The following TRPC6 variants were observed in gnomAD, a reference collection of about 807,000 sequenced individuals.
TRPC6 encodes short transient receptor potential channel 6.
TRPC6 carries 55 observed loss-of-function variants against 90.7 expected under a neutral mutation model. That is an observed-to-expected ratio of 0.61 (90% CI 0.49 to 0.76). The LOEUF (loss-of-function observed/expected upper bound fraction) is 0.76, where lower values mean the gene tolerates loss of function less well. TRPC6 is among the 30% of genes least tolerant of loss of function. TRPC6 has a pLI of 0.00. For synonymous variants in TRPC6, 393 were observed against 393.0 expected, an observed-to-expected ratio of 1.00 and a Z score of 0.00; for missense variants, 989 against 1,122.7, an observed-to-expected ratio of 0.88 and a Z score of 1.70.
chr11:101,505,944 C>T (rs1189845550), intron 1 of TRPC6, among the ~76,000 whole-genome samples: 1 of 146,270 alleles, frequency 6.8e-6, no homozygotes, highest in African/African-American at 2.5e-5. Flanking sequence ...CCCAGGAGAT[C>T]AAGGCTGCAG....
intron 10 of TRPC6, among the ~76,000 whole-genome samples, chr11:101,462,696 A>T (rs1859034054): frequency 6.6e-6 from 1 of 152,184 alleles, no homozygotes; most frequent in Non-Finnish European, 1.5e-5. Context: ...TCTGCTTATA[A>T]GGAGATTTTG....
At chr11:101,518,948 A>T (rs1860891816) in intron 1 of TRPC6, among the ~76,000 whole-genome samples, 1 of 152,232 alleles carries the variant, frequency 6.6e-6, no homozygotes, top group South Asian at 2.1e-4. Context: ...ACGGAAAGAC[A>T]AGCTTTGCAT....
At chr11:101,521,997 C>T (rs1238538404) in intron 1 of TRPC6, among the ~76,000 whole-genome samples, 1 of 152,142 alleles carries the variant, frequency 6.6e-6, no homozygotes, top group Non-Finnish European at 1.5e-5. Context: ...CTTGCCTTAT[C>T]TCAGATGAGA....
intron 1 of TRPC6, among the ~76,000 whole-genome samples, chr11:101,570,054 A>C (rs1426537615): frequency 1.3e-5 from 2 of 152,140 alleles, no homozygotes; most frequent in Non-Finnish European, 2.9e-5. Flanking sequence ...GACACAAAAA[A>C]CCCTTCAAAA....
chr11:101,472,468 A>G, intron 7 of TRPC6, 136 bp from the exon 8 acceptor site: 5 of 797,292 alleles, frequency 6.3e-6, no homozygotes, highest in Non-Finnish European at 9.8e-6. Flanking sequence ...TCTGAAGCTC[A>G]CTTTTCTTTT....
At chr11:101,525,446 T>C (rs1017088383) in intron 1 of TRPC6, among the ~76,000 whole-genome samples, 1 of 152,102 alleles carries the variant, frequency 6.6e-6, no homozygotes, top group African/African-American at 2.4e-5. Context: ...ATGAATTGAA[T>C]GGAAAGGAGG....
At chr11:101,516,322 C>T (rs571129211) in intron 1 of TRPC6, among the ~76,000 whole-genome samples, 24 of 152,012 alleles carry the variant, frequency 1.6e-4, no homozygotes, top group Admixed American at 3.3e-4. Context: ...ATTATTGTGA[C>T]GCACACATGC....
chr11:101,494,721 A>G (rs745573351), intron 2 of TRPC6, among the ~76,000 whole-genome samples: 1 of 152,256 alleles, frequency 6.6e-6, no homozygotes, highest in Non-Finnish European at 1.5e-5. Flanking sequence ...ACATGGACTG[A>G]AAAAGTAAAG....
chr11:101,525,670 C>T (rs1405941895), intron 1 of TRPC6, among the ~76,000 whole-genome samples: 1 of 152,192 alleles, frequency 6.6e-6, no homozygotes, highest in African/African-American at 2.4e-5. Flanking sequence ...TACACTTTGA[C>T]AGTCAAGTAC....
At chr11:101,471,081 G>T in intron 9 of TRPC6, 102 bp downstream of exon 9, 1 of 1,129,390 alleles carries the variant, frequency 8.9e-7, no homozygotes, top group Non-Finnish European at 1.3e-6. Flanking sequence ...GGAATGAATG[G>T]ATGTGTCATC....
At chr11:101,470,997 T>C (rs1446156754) in intron 9 of TRPC6, among the ~76,000 whole-genome samples, 186 bp downstream of exon 9, 2 of 152,006 alleles carry the variant, frequency 1.3e-5, no homozygotes, top group Non-Finnish European at 2.9e-5. Context: ...TTCTTTTAAG[T>C]AGGAAATGTC....
intron 1 of TRPC6, among the ~76,000 whole-genome samples, chr11:101,548,168 C>G (rs1591127559): frequency 6.7e-6 from 1 of 149,874 alleles, no homozygotes; most frequent in Non-Finnish European, 1.5e-5. Flanking sequence ...AAAATATTCT[C>G]TCTTTTCACT....
intron 5 of TRPC6, among the ~76,000 whole-genome samples, chr11:101,477,490 G>C (rs1418454061): frequency 6.6e-6 from 1 of 152,244 alleles, no homozygotes; most frequent in East Asian, 1.9e-4. Context: ...TGACAGCCTA[G>C]ATGGGATGAC....
At chr11:101,525,784 A>C (rs1860765567) in intron 1 of TRPC6, among the ~76,000 whole-genome samples, 1 of 152,210 alleles carries the variant, frequency 6.6e-6, no homozygotes, top group African/African-American at 2.4e-5. Context: ...CATAATGTGG[A>C]GACACTGAAA....
intron 1 of TRPC6, among the ~76,000 whole-genome samples, chr11:101,571,440 C>T (rs60428691): frequency 0.029 from 4,339 of 152,240 alleles, 119 homozygotes; most frequent in African/African-American, 0.068. Flanking sequence ...AATGGCCATA[C>T]TACCCAAAGT....
chr11:101,554,054 T>C (rs2136847940), intron 1 of TRPC6, among the ~76,000 whole-genome samples: 1 of 152,288 alleles, frequency 6.6e-6, no homozygotes, highest in South Asian at 2.1e-4. Flanking sequence ...CACTGGACTC[T>C]GCATCAGTTG....
chr11:101,475,547 G>A (rs1859392605), intron 6 of TRPC6, among the ~76,000 whole-genome samples: 1 of 151,902 alleles, frequency 6.6e-6, no homozygotes, highest in East Asian at 1.9e-4. Flanking sequence ...CTTATTATAA[G>A]CTCTAACTAA....
intron 1 of TRPC6, among the ~76,000 whole-genome samples, chr11:101,575,861 G>A (rs1436222085): frequency 1.3e-5 from 2 of 152,120 alleles, no homozygotes; most frequent in Admixed American, 6.5e-5. Flanking sequence ...AGGAATGTTG[G>A]TTCAGTAGAT....
Position 101,583,399 on chromosome 11 carries a change from G to C in TRPC6, c.105C>G (p.Asp35Glu). Residue 35 changes from aspartate (D) to glutamate (E), a missense_variant, in exon 1 of 13, where the codon GAC (aspartate) becomes GAG (glutamate). Coordinates refer to ENST00000344327, the MANE Select transcript of TRPC6 (RefSeq NM_004621.6). ...RNESQDYLLMDSELGEDGCPQ... is the reference protein window; with the variant it reads ...RNESQDYLLMESELGEDGCPQ... ...GGCAGCCGTCTTCTCCCAGCTCCGA[G>C]TCCATGAGCAGATAGTCCTGGCTCT... The C allele has an allele frequency of 1.3e-6, 2 of 1,588,504 alleles. No homozygotes were observed. Among genetic ancestry groups the C allele is most frequent in the South Asian group, 1.1e-5 (1 of 87,592 alleles).
Sources: allele counts gnomAD v4.1 joint callset (sites outside exome capture counted in the v4.1 genomes callset), GRCh38; gene constraint gnomAD v4.1.1; transcripts MANE v1.5; gene names NCBI Gene and HGNC (gene_info 2026-07-23, HGNC 2026-07-21).